Variants in LNX2 observed in about 807,000 individuals in gnomAD.
The protein encoded by LNX2 is ligand of numb-protein X 2.
A neutral mutation model predicts 66.2 loss-of-function variants in LNX2; 35 were observed. That is an observed-to-expected ratio of 0.53 (90% CI 0.40 to 0.70). LNX2 has a LOEUF of 0.70. Ranked by LOEUF, LNX2 falls within the 30% of genes least tolerant of loss-of-function variation. The pLI is 0.00. For missense variants in LNX2, 791 were observed against 850.8 expected (o/e 0.93, Z 0.87); for synonymous variants, 337 against 315.6 (o/e 1.07, Z -0.72).
In LNX2 at chr13:27,620,496, TCGCCGCCGC is replaced by T. The variant is rs530368033; in HGVS notation, c.-231_-223del. On this transcript the variant is annotated 5_prime_UTR_variant, in exon 1 of 10. Coordinates refer to ENST00000316334, the MANE Select transcript of LNX2 (RefSeq NM_153371.4). ...CTGCCCGGCTCCGCTCCGCCAGGAA[TCGCCGCCGC>T]CGCCGCCGCCGCCGCGGATTTCCTG... The T allele has an allele frequency of 8.4e-3, 1,438 of 171,626 alleles. 18 individuals carry two copies. Among genetic ancestry groups the T allele is most frequent in the African/African-American group, 0.032 (1,344 of 41,550 alleles). The allele number at this position is 171,626 out of a possible 1,614,324, so 10.6% of individuals were successfully genotyped here.
At position 27,581,642 on chromosome 13, in the gene LNX2, G is replaced by T; in HGVS notation, c.62C>A (p.Pro21His). The T allele has an allele frequency of 5.0e-6, 8 of 1,614,014 alleles. No individual in the cohort carries two copies. The highest frequency in any genetic ancestry group is 6.8e-6 in the Non-Finnish European group (8 of 1,179,962). The change falls in exon 2 of 10, where the codon CCC (proline) becomes CAC (histidine). Residue 21 changes from proline (P) to histidine (H), a missense_variant. Coordinates refer to ENST00000316334, the MANE Select transcript of LNX2 (RefSeq NM_153371.4). ...CTGTTGGCCACATTCAAAACACAGG[G>T]GGTTTAGAGAAGAGGAGGAGGTCTG... is the stretch of plus-strand genomic sequence containing the variant. The part of the protein sequence containing the change: ...VEQTSSSSLN[P>H]LCFECGQQHW...
chr13:27,550,480 C>CAGTT lies in LNX2; in HGVS notation c.1789_1790insAACT (p.Ser597LysfsTer19), dbSNP rs1954994511. The CAGTT allele has an allele frequency of 3.1e-6, 5 of 1,612,856 alleles. No homozygotes were observed. The highest frequency in any genetic ancestry group is 4.2e-6 in the Non-Finnish European group (5 of 1,179,626). On this transcript the variant is annotated frameshift_variant, in exon 9 of 10. Transcript: ENST00000316334. LOFTEE classifies it high-confidence loss of function. ...TCTTCGTAAAACTATATCGTGGCAGCTATGAAGTGTGCTATAAACAAACAG... is the reference window on the plus strand; with the variant it reads ...TCTTCGTAAAACTATATCGTGGCAGCAGTTTATGAAGTGTGCTATAAACAAACAG...
At chr13:27,619,221 C>T (rs1312862161) in intron 1 of LNX2, among the ~76,000 whole-genome samples, 1 of 150,470 alleles carries the variant, frequency 6.6e-6, no homozygotes, top group African/African-American at 2.4e-5. Flanking sequence ...CTCGGACAAG[C>T]TAAAAAGCCA....
chr13:27,567,714 C>CA lies in LNX2; in HGVS notation c.780dup (p.Val261CysfsTer37), dbSNP rs926098797. The stretch of plus-strand genomic sequence containing the variant: ...CCATCCCGATAGACCTCCTGGATGA[C>CA]AATGTTAATCAAAGGTGTTTCGTTG... On this transcript the variant is annotated frameshift_variant, in exon 4 of 10. Coordinates refer to ENST00000316334, the MANE Select transcript of LNX2 (RefSeq NM_153371.4). LOFTEE classifies it high-confidence loss of function. 1 of 1,613,742 alleles carries CA rather than the reference C, an allele frequency of 6.2e-7. No homozygotes were observed. Among genetic ancestry groups the CA allele is most frequent in the Non-Finnish European group, 8.5e-7 (1 of 1,179,938 alleles).
At chr13:27,591,004 G>C (rs1008709972) in intron 1 of LNX2, among the ~76,000 whole-genome samples, 1 of 151,742 alleles carries the variant, frequency 6.6e-6, no homozygotes. Context: ...GTATATATAT[G>C]TGTGTGTACA....
intron 1 of LNX2, among the ~76,000 whole-genome samples, chr13:27,587,288 C>G (rs536889249): frequency 6.6e-6 from 1 of 152,032 alleles, no homozygotes; most frequent in South Asian, 2.1e-4. Context: ...CTTGAGCGCT[C>G]CCCCCCTTCC....
chr13:27,561,157 A>G (rs75137999), intron 5 of LNX2, among the ~76,000 whole-genome samples: 6,680 of 152,328 alleles, frequency 0.044, 208 homozygotes, highest in Non-Finnish European at 0.067. Flanking sequence ...GACAATTTAA[A>G]ATACATTTTC....
rs1242930383 is a variant in LNX2, at chr13:27,560,565, G to GCATATATATATATATATATA, written c.1225-581_1225-580insTATATATATATATATATATG. On this transcript the variant is annotated intron_variant, in intron 5 of 9. Transcript: ENST00000316334. ...ATAACAAGACTTTATATGTATGTGTGTATATATATATATATATATAGCATA... is the reference window on the plus strand; with the variant it reads ...ATAACAAGACTTTATATGTATGTGTGCATATATATATATATATATATATATATATATATATATATAGCATA... Among the ~76,000 whole-genome samples, 124 of 119,994 alleles carry GCATATATATATATATATATA rather than the reference G, an allele frequency of 1.0e-3. 1 individual carries two copies. The highest frequency in any genetic ancestry group is 4.8e-3 in the Middle Eastern group (1 of 210). 78.7% of individuals were successfully genotyped at this position (119,994 alleles called of 152,430 possible).
chr13:27,581,271 T>A (rs755130890), intron 2 of LNX2, 26 bp downstream of exon 2: 1 of 1,453,526 alleles, frequency 6.9e-7, no homozygotes, highest in African/African-American at 1.4e-5. Context: ...AAATCTGGAG[T>A]TACTTCTTTT....
intron 1 of LNX2, among the ~76,000 whole-genome samples, chr13:27,597,277 A>G (rs1052021702): frequency 6.6e-6 from 1 of 152,180 alleles, no homozygotes; most frequent in East Asian, 1.9e-4. Context: ...ATCCAATATA[A>G]GGATATCTGG....
intron 1 of LNX2, among the ~76,000 whole-genome samples, chr13:27,590,633 C>A (rs1221182216): frequency 2.0e-5 from 3 of 152,086 alleles, no homozygotes; most frequent in Admixed American, 2.0e-4. Context: ...GCAGATTTTG[C>A]CCCAGAGCCA....
intron 1 of LNX2, among the ~76,000 whole-genome samples, chr13:27,589,619 A>G (rs1394984887): frequency 6.6e-6 from 1 of 152,138 alleles, no homozygotes; most frequent in African/African-American, 2.4e-5. Context: ...ACCATGATGA[A>G]AAAGGTTTTT....
At chr13:27,595,313 A>C (rs760123299) in intron 1 of LNX2, among the ~76,000 whole-genome samples, 36 of 152,088 alleles carry the variant, frequency 2.4e-4, no homozygotes, top group Non-Finnish European at 4.3e-4. Context: ...GTTATCATGC[A>C]CCTCACTGCA....
intron 1 of LNX2, among the ~76,000 whole-genome samples, chr13:27,615,790 TA>T (rs1300249967): frequency 1.3e-5 from 2 of 152,198 alleles, no homozygotes; most frequent in African/African-American, 4.8e-5. Flanking sequence ...TATATTCCTA[TA>T]AGAACAGGGA....
At chr13:27,608,700 AAATTT>A (rs1452048946) in intron 1 of LNX2, among the ~76,000 whole-genome samples, 1 of 152,140 alleles carries the variant, frequency 6.6e-6, no homozygotes, top group African/African-American at 2.4e-5. Context: ...ATTTTAAATT[AAATTT>A]AAAATATTAC....
intron 9 of LNX2, 126 bp from the exon 10 acceptor site, chr13:27,548,596 A>G: frequency 9.8e-7 from 1 of 1,019,140 alleles, no homozygotes; most frequent in Non-Finnish European, 1.4e-6. Context: ...GTTAGGGTGT[A>G]TAATCTACTT....
In LNX2 at chr13:27,556,240, CTT is replaced by C. The variant is rs779882944; in HGVS notation, c.1540_1541del (p.Lys514GlufsTer3). 6.2e-7 allele frequency: 1 copy of C among 1,613,038 alleles called. No homozygotes were observed. Among genetic ancestry groups the C allele is most frequent in the Admixed American group, 1.7e-5 (1 of 59,702 alleles). ...TTTTTCAAGATCCCATCTTACCTCT[CTT>C]TATTCTGCCATCTCGTGCAAGGCAG... ...HGCLARDGRIKRGDVLLNING... is the reference protein window; with the variant it reads ...HGCLARDGRIXRGDVLLNING... On this transcript the variant is annotated frameshift_variant, in exon 7 of 10. Transcript: ENST00000316334. LOFTEE classifies it high-confidence loss of function.
At chr13:27,607,911 A>G (rs559272866) in intron 1 of LNX2, among the ~76,000 whole-genome samples, 8 of 152,362 alleles carry the variant, frequency 5.3e-5, no homozygotes, top group African/African-American at 1.2e-4. Context: ...AGTAACCAGC[A>G]TAACAGACCA....
intron 1 of LNX2, among the ~76,000 whole-genome samples, chr13:27,591,205 A>G (rs1955543361): frequency 6.6e-6 from 1 of 152,232 alleles, no homozygotes; most frequent in Non-Finnish European, 1.5e-5. Flanking sequence ...TAATTTACTT[A>G]AGTTACAGTT....
Sources: gnomAD v4.1 joint callset for allele counts (sites outside exome capture counted in the v4.1 genomes callset) on GRCh38, gnomAD v4.1.1 for gene constraint, MANE v1.5 for transcripts, NCBI Gene and HGNC (gene_info 2026-07-23, HGNC 2026-07-21) for gene names.